The following EYS variants were observed in gnomAD, a reference collection of about 807,000 sequenced individuals.
EYS encodes EGF-like photoreceptor maintenance factor.
In EYS, 250 loss-of-function variants were observed where a neutral mutation model predicts 282.1. That is an observed-to-expected ratio of 0.89 (90% CI 0.80 to 0.98). EYS has a LOEUF of 0.98. Among genes scored for constraint, EYS ranks in the 50% least tolerant of loss-of-function variants. EYS has a pLI of 0.00. For missense variants in EYS, 4,016 were observed against 3,709.0 expected, an observed-to-expected ratio of 1.08 and a Z score of -2.15; for synonymous variants, 1,355 against 1,282.9, an observed-to-expected ratio of 1.06 and a Z score of -1.20.
At chr6:65,504,624 A>T (rs1365704877) in intron 2 of EYS, among the ~76,000 whole-genome samples, 1 of 151,536 alleles carries the variant, frequency 6.6e-6, no homozygotes, top group African/African-American at 2.4e-5. Flanking sequence ...AATTTTGTAA[A>T]ATATTTTTTC....
chr6:64,641,338 C>G (rs1335955245), intron 22 of EYS, among the ~76,000 whole-genome samples: 2 of 152,122 alleles, frequency 1.3e-5, no homozygotes, highest in Admixed American at 1.3e-4. Context: ...GAACCTCCAC[C>G]ATAATTCAAT....
chr6:64,682,146 C>T (rs922804314), intron 22 of EYS, among the ~76,000 whole-genome samples: 2 of 152,104 alleles, frequency 1.3e-5, no homozygotes, highest in African/African-American at 4.8e-5. Flanking sequence ...CATTAATTTT[C>T]CCTTCAAGGA....
intron 35 of EYS, among the ~76,000 whole-genome samples, chr6:63,920,355 C>A (rs1373303369): frequency 6.6e-6 from 1 of 152,090 alleles, no homozygotes; most frequent in African/African-American, 2.4e-5. Flanking sequence ...CAGCAAGAGA[C>A]CAGAGGGTAG....
In EYS at chr6:65,121,804, C is replaced by A. The variant is rs977874328; in HGVS notation, c.2024-64077G>T. Among the ~76,000 whole-genome samples the A allele has an allele frequency of 2.2e-4, 34 of 152,204 alleles. 1 individual carries two copies. Among genetic ancestry groups the A allele is most frequent in the South Asian group, 1.0e-3 (5 of 4,822 alleles). On this transcript the variant is annotated intron_variant, in intron 12 of 42. Coordinates refer to ENST00000503581, the MANE Select transcript of EYS (RefSeq NM_001142800.2). The stretch of plus-strand genomic sequence containing the variant: ...CAATTCAGGTTAGGCTATAGTATCT[C>A]AAAGCCCCTAGGTAAAATTTAAAGC...
intron 35 of EYS, among the ~76,000 whole-genome samples, chr6:63,961,503 C>A (rs1766059668): frequency 6.6e-6 from 1 of 152,080 alleles, no homozygotes; most frequent in Non-Finnish European, 1.5e-5. Context: ...ATAAAACAGC[C>A]CCACCCTGTC....
chr6:65,637,670 G>A (rs1013317169), intron 2 of EYS, among the ~76,000 whole-genome samples: 4 of 152,182 alleles, frequency 2.6e-5, no homozygotes, highest in Admixed American at 6.5e-5. Flanking sequence ...ACCCACTCTG[G>A]CATGGAGCAA....
intron 28 of EYS, among the ~76,000 whole-genome samples, chr6:64,393,173 G>C (rs9345048): frequency 6.6e-6 from 1 of 151,710 alleles, no homozygotes; most frequent in Non-Finnish European, 1.5e-5. Context: ...CAGGACCAGA[G>C]GGATTCACAG....
rs577759263 is a variant in EYS, at chr6:65,280,797, C to G, written c.2023+15066G>C. 4.0e-5 allele frequency among the ~76,000 whole-genome samples: 6 copies of G among 150,600 alleles called. No homozygotes were observed. The South Asian group carries it at 1.3e-3, about 32-fold the overall frequency. ...CTTTGGGAGGCCAAGGTGGGCGGATCGCCTGAGGTCAGGAGTTCGAGACAA... is the reference window on the plus strand; with the variant it reads ...CTTTGGGAGGCCAAGGTGGGCGGATGGCCTGAGGTCAGGAGTTCGAGACAA... On this transcript the variant is annotated intron_variant, in intron 12 of 42. Coordinates refer to ENST00000503581, the MANE Select transcript of EYS (RefSeq NM_001142800.2).
chr6:64,272,707 A>G, intron 30 of EYS, among the ~76,000 whole-genome samples: 1 of 152,246 alleles, frequency 6.6e-6, no homozygotes, highest in East Asian at 1.9e-4. Flanking sequence ...ATATGTAATC[A>G]TATGTGTATT....
chr6:64,208,143 C>T (rs1765664254), intron 31 of EYS, among the ~76,000 whole-genome samples: 1 of 152,168 alleles, frequency 6.6e-6, no homozygotes. Context: ...ATGGCGATTT[C>T]ACTGCAGCAT....
chr6:65,192,427 CTT>C (rs1490226857), intron 12 of EYS, among the ~76,000 whole-genome samples: 1 of 151,170 alleles, frequency 6.6e-6, no homozygotes, highest in Non-Finnish European at 1.5e-5. Flanking sequence ...AAAATTGTAA[CTT>C]CAGCAAAACA....
chr6:64,001,050 T>C (rs1397637580), intron 33 of EYS, among the ~76,000 whole-genome samples: 1 of 152,208 alleles, frequency 6.6e-6, no homozygotes, highest in East Asian at 1.9e-4. Context: ...CTTATGCCTC[T>C]CAAGTATTGC....
chr6:64,715,558 A>G (rs1771360363), intron 22 of EYS, among the ~76,000 whole-genome samples: 1 of 152,198 alleles, frequency 6.6e-6, no homozygotes, highest in Non-Finnish European at 1.5e-5. Flanking sequence ...CTTATTCACA[A>G]ATGGGCTGCA....
At chr6:64,516,853 TTTTAA>T (rs1438178345) in intron 26 of EYS, among the ~76,000 whole-genome samples, 8 of 151,812 alleles carry the variant, frequency 5.3e-5, no homozygotes, top group Non-Finnish European at 1.2e-4. Flanking sequence ...AGAAAAACGT[TTTTAA>T]TTTAATTGTA....
chr6:65,323,814 G>A (rs1359780401), intron 11 of EYS, among the ~76,000 whole-genome samples: 2 of 142,802 alleles, frequency 1.4e-5, no homozygotes, highest in Non-Finnish European at 3.1e-5. Flanking sequence ...ACCAAAGTGA[G>A]CCTTTCAAAA....
At chr6:63,972,622 T>C (rs1766637808) in intron 35 of EYS, among the ~76,000 whole-genome samples, 1 of 152,134 alleles carries the variant, frequency 6.6e-6, no homozygotes, top group South Asian at 2.1e-4. Flanking sequence ...ACATGTGCCA[T>C]GGTGGTTTGC....
chr6:64,593,396 C>T, intron 24 of EYS, 87 bp from the exon 25 acceptor site: 1 of 1,021,882 alleles, frequency 9.8e-7, no homozygotes, highest in Non-Finnish European at 1.4e-6. Context: ...GATCCATTTG[C>T]ATTTCCATAG....
chr6:65,123,758 C>CA (rs1554157087), intron 12 of EYS, among the ~76,000 whole-genome samples: 24,455 of 146,856 alleles, frequency 0.17, 2,063 homozygotes, highest in Middle Eastern at 0.2. Context: ...ACCCACCCAC[C>CA]CACACACACA....
chr6:65,499,059 G>A (rs555761384), intron 2 of EYS, among the ~76,000 whole-genome samples: 83 of 152,044 alleles, frequency 5.5e-4, no homozygotes, highest in Non-Finnish European at 9.1e-4. Context: ...GACAGGTTAC[G>A]TTACCAGAAA....
Sources: allele counts gnomAD v4.1 joint callset (sites outside exome capture counted in the v4.1 genomes callset), GRCh38; gene constraint gnomAD v4.1.1; transcripts MANE v1.5; gene names NCBI Gene and HGNC (gene_info 2026-07-23, HGNC 2026-07-21).